Variants in RAG1 observed in about 807,000 individuals in gnomAD.
RAG1 encodes recombination activating 1, also known as V(D)J recombination-activating protein 1.
RAG1 carries 35 observed loss-of-function variants against 62.7 expected under a neutral mutation model. That is an observed-to-expected ratio of 0.56 (90% CI 0.43 to 0.74). The LOEUF (loss-of-function observed/expected upper bound fraction) is 0.74. Ranked by LOEUF, RAG1 falls within the 30% of genes least tolerant of loss-of-function variation. RAG1 has a pLI of 0.00. For synonymous variants in RAG1, 461 were observed against 470.3 expected (o/e 0.98, Z 0.26); for missense variants, 1,169 against 1,278.6 (o/e 0.91, Z 1.31).
chr11:36,542,937 T>C (rs1850331366), intron 3 of RAG1, among the ~76,000 whole-genome samples: 1 of 152,228 alleles, frequency 6.6e-6, no homozygotes, highest in Non-Finnish European at 1.5e-5. Context: ...AGTCCATTTC[T>C]TTATTTTCCT....
At chr11:36,532,367 C>G (rs942105374) in intron 2 of RAG1, among the ~76,000 whole-genome samples, 8 of 151,920 alleles carry the variant, frequency 5.3e-5, no homozygotes, top group African/African-American at 1.7e-4. Context: ...TTTTAAATAT[C>G]TATATTTATA....
At chr11:36,543,210 C>G (rs944323017) in intron 3 of RAG1, among the ~76,000 whole-genome samples, 2 of 152,092 alleles carry the variant, frequency 1.3e-5, no homozygotes, top group Non-Finnish European at 2.9e-5. Context: ...TTGATTAGAC[C>G]CCAGTCTCTG....
At chr11:36,536,536 G>T (rs994140291), downstream of RAG1, among the ~76,000 whole-genome samples, 2 of 152,044 alleles carry the variant, frequency 1.3e-5, no homozygotes, top group African/African-American at 4.8e-5. Flanking sequence ...CTTGATTTGT[G>T]TGGTAGTTCT....
intron 3 of RAG1, among the ~76,000 whole-genome samples, chr11:36,562,135 A>T (rs1249629555): frequency 2.0e-5 from 3 of 152,176 alleles, no homozygotes; most frequent in Non-Finnish European, 4.4e-5. Context: ...AGAGAAGTAA[A>T]GTGATTTGAC....
At chr11:36,558,426 T>C (rs1440998670) in intron 3 of RAG1, among the ~76,000 whole-genome samples, 1 of 152,246 alleles carries the variant, frequency 6.6e-6, no homozygotes, top group African/African-American at 2.4e-5. Context: ...GATCTAATAC[T>C]TGCTTTACAT....
At chr11:36,539,587 C>T (rs765577185), downstream of RAG1, among the ~76,000 whole-genome samples, 22 of 152,270 alleles carry the variant, frequency 1.4e-4, no homozygotes, top group African/African-American at 4.3e-4. Context: ...CAGGTTCAAG[C>T]GATTCTCCTG....
exon 2 of RAG1, chr11:36,520,227 A>G (rs557810237): frequency 7.9e-5 from 12 of 152,312 alleles, no homozygotes; most frequent in African/African-American, 2.9e-4. Context: ...CCAAGAGGGA[A>G]ATGTGAGTCA....
Position 36,574,281 on chromosome 11 carries a change from G to A in RAG1, c.977G>A (p.Ser326Asn), listed in dbSNP as rs748924084. Reference sequence around the variant, plus strand: ...CTCAGATGCCTCAAAGTCATGGGCAGCTATTGTCCCTCTTGCCGATATCCA... The same window carrying A: ...CTCAGATGCCTCAAAGTCATGGGCAACTATTGTCCCTCTTGCCGATATCCA... Reference protein sequence around the residue: ...CILRCLKVMGSYCPSCRYPCF... With the variant: ...CILRCLKVMGNYCPSCRYPCF... The change falls in exon 2 of 2, where the codon AGC becomes AAC. Residue 326 changes from serine (S) to asparagine (N), a missense_variant. By Grantham distance (46) the Ser-to-Asn change is conservative (BLOSUM62 1). Transcript: ENST00000299440. 2 of 1,614,214 alleles carry A rather than the reference G, an allele frequency of 1.2e-6. No homozygotes were observed. The highest frequency in any genetic ancestry group is 2.2e-5 in the East Asian group (1 of 44,886).
At chr11:36,571,644 C>G (rs1850746903) in intron 1 of RAG1, among the ~76,000 whole-genome samples, 1 of 152,044 alleles carries the variant, frequency 6.6e-6, no homozygotes, top group South Asian at 2.1e-4. Flanking sequence ...AGACAGAGTC[C>G]TGCTCTGTCA....
downstream of RAG1, among the ~76,000 whole-genome samples, chr11:36,540,774 C>G (rs1318257434): frequency 6.6e-6 from 1 of 152,146 alleles, no homozygotes; most frequent in Non-Finnish European, 1.5e-5. Context: ...CAAAGACTGC[C>G]CAGTCTCCGT....
chr11:36,531,743 GAT>G (rs144744382), intron 2 of RAG1, among the ~76,000 whole-genome samples: 15,249 of 151,956 alleles, frequency 0.1, 822 homozygotes, highest in Non-Finnish European at 0.11. Context: ...GATGGTACAA[GAT>G]ACTTTGCCAT....
At chr11:36,564,990 C>T (rs1850641035), upstream of RAG1, among the ~76,000 whole-genome samples, 12 of 152,142 alleles carry the variant, frequency 7.9e-5, no homozygotes, top group South Asian at 6.2e-4. Flanking sequence ...CTACTAATTC[C>T]CTTCTGTGAC....
rs1474511357 is a variant in RAG1, at chr11:36,577,114, T to C, written c.*678T>C. ...TGTATCTATTGTAACCTTCAGAGTT[T>C]AGGAGGTCATCTGCTGTCATGGATT... On this transcript the variant is annotated 3_prime_UTR_variant, in exon 2 of 2. Coordinates refer to ENST00000299440, the MANE Select transcript of RAG1 (RefSeq NM_000448.3). 6.0e-6 allele frequency: 1 copy of C among 167,296 alleles called. No individual in the cohort carries two copies. The highest frequency in any genetic ancestry group is 3.4e-3 in the Middle Eastern group (1 of 296). The allele number at this position is 167,296 out of a possible 1,614,324, so 10.4% of individuals were successfully genotyped here. A position where few individuals can be genotyped will look rare whatever the true frequency, so the allele number is the denominator to read the frequency against.
intron 3 of RAG1, among the ~76,000 whole-genome samples, chr11:36,544,722 G>A (rs1203905611): frequency 1.3e-5 from 2 of 152,178 alleles, no homozygotes; most frequent in Non-Finnish European, 2.9e-5. Context: ...ATCTCGTCTA[G>A]AATTGTAATC....
exon 3 of RAG1, chr11:36,536,005 G>A (rs1860320921): frequency 2.6e-5 from 4 of 152,120 alleles, no homozygotes; most frequent in Non-Finnish European, 5.9e-5. Flanking sequence ...TATCTATCAA[G>A]TTCTCTTTCT....
At chr11:36,541,618 G>A (rs1860418876) in intron 3 of RAG1, among the ~76,000 whole-genome samples, 1 of 152,068 alleles carries the variant, frequency 6.6e-6, no homozygotes, top group South Asian at 2.1e-4. Flanking sequence ...TAAGAAACAG[G>A]AAATACTAGG....
At chr11:36,558,842 G>A (rs768567761) in intron 3 of RAG1, among the ~76,000 whole-genome samples, 16 of 151,990 alleles carry the variant, frequency 1.1e-4, no homozygotes, top group African/African-American at 9.7e-5. Context: ...TCTCTTCCTC[G>A]TTTCTTTATC....
At chr11:36,532,951 T>C (rs528512579) in intron 2 of RAG1, among the ~76,000 whole-genome samples, 1 of 152,350 alleles carries the variant, frequency 6.6e-6, no homozygotes, top group South Asian at 2.1e-4. Context: ...AGGGTAAAAC[T>C]GCTGTATATA....
chr11:36,547,642 C>A (rs1332765920), intron 3 of RAG1, among the ~76,000 whole-genome samples: 1 of 152,082 alleles, frequency 6.6e-6, no homozygotes, highest in Admixed American at 6.5e-5. Flanking sequence ...TATAGCCTAC[C>A]AACCAAAAAA....
Sources: allele counts gnomAD v4.1 joint callset (sites outside exome capture counted in the v4.1 genomes callset), GRCh38; gene constraint gnomAD v4.1.1; transcripts MANE v1.5; gene names NCBI Gene and HGNC (gene_info 2026-07-23, HGNC 2026-07-21).